Variants in PROS1 observed in about 807,000 individuals in gnomAD.
PROS1 encodes the protein protein S.
In PROS1, 29 loss-of-function variants were observed where a neutral mutation model predicts 75.9. That is an observed-to-expected ratio of 0.38 (90% CI 0.28 to 0.52). The LOEUF (loss-of-function observed/expected upper bound fraction) is 0.52. Ranked by LOEUF, PROS1 falls within the 20% of genes least tolerant of loss-of-function variation. The pLI is 0.83. For missense variants in PROS1, 680 were observed against 810.3 expected, an observed-to-expected ratio of 0.84 and a Z score of 1.95; for synonymous variants, 245 against 280.6, an observed-to-expected ratio of 0.87 and a Z score of 1.27.
intron 1 of PROS1, among the ~76,000 whole-genome samples, chr3:93,967,417 G>A (rs556702680): frequency 6.6e-6 from 1 of 152,254 alleles, no homozygotes; most frequent in South Asian, 2.1e-4. Context: ...ACAAATCAGT[G>A]GAAGGATTAT....
intron 1 of PROS1, among the ~76,000 whole-genome samples, chr3:93,971,461 T>G (rs1709880534): frequency 1.3e-5 from 2 of 151,666 alleles, no homozygotes; most frequent in African/African-American, 4.8e-5. Flanking sequence ...TCTAATTATA[T>G]CTCAGATTTA....
At chr3:93,953,734 A>G (rs1253705483) in intron 1 of PROS1, among the ~76,000 whole-genome samples, 3 of 152,198 alleles carry the variant, frequency 2.0e-5, no homozygotes, top group Admixed American at 2.0e-4. Context: ...CAGGGCAATC[A>G]GGCAGGAGAA....
At position 93,874,238 on chromosome 3, in the gene PROS1, A is replaced by AGAT; in HGVS notation, c.*4_*6dup. 1 of 1,613,212 alleles carries AGAT rather than the reference A, an allele frequency of 6.2e-7. No homozygotes were observed. Among genetic ancestry groups the AGAT allele is most frequent in the Non-Finnish European group, 8.5e-7 (1 of 1,179,312 alleles). ...GGAAAAGGTATTATAAGCAGAGAAA[A>AGAT]GATGCCTTAAGAATTCTTTGTCTTT... On this transcript the variant is annotated 3_prime_UTR_variant, in exon 15 of 15. Coordinates refer to ENST00000394236, the MANE Select transcript of PROS1 (RefSeq NM_000313.4).
At chr3:93,945,273 A>C (rs550029054) in intron 1 of PROS1, among the ~76,000 whole-genome samples, 2 of 152,330 alleles carry the variant, frequency 1.3e-5, no homozygotes, top group South Asian at 2.1e-4. Context: ...TCCAATCAAT[A>C]GAAAAAGAGG....
intron 12 of PROS1, among the ~76,000 whole-genome samples, chr3:93,880,394 A>G (rs546118718): frequency 1.1e-4 from 17 of 152,040 alleles, no homozygotes; most frequent in South Asian, 4.2e-4. Context: ...CCCAGCTACA[A>G]CTCGGGAGGC....
chr3:93,958,449 C>G (rs2107256196), intron 1 of PROS1: 1 of 152,312 alleles, frequency 6.6e-6, no homozygotes, highest in Non-Finnish European at 1.5e-5. Context: ...CTGTCAAAAC[C>G]TCTGCATTCC....
intron 7 of PROS1, among the ~76,000 whole-genome samples, chr3:93,899,547 G>A (rs564424953): frequency 1.5e-4 from 23 of 152,142 alleles, no homozygotes; most frequent in South Asian, 1.0e-3. Context: ...TGATAATTCC[G>A]CAGACATCTA....
At chr3:93,896,967 T>G (rs940842006) in intron 8 of PROS1, among the ~76,000 whole-genome samples, 2 of 152,144 alleles carry the variant, frequency 1.3e-5, no homozygotes, top group African/African-American at 2.4e-5. Flanking sequence ...CTTTGCAAAT[T>G]TTCGTCCTAA....
At chr3:93,966,040 A>G (rs1709785599) in intron 1 of PROS1, among the ~76,000 whole-genome samples, 1 of 152,108 alleles carries the variant, frequency 6.6e-6, no homozygotes, top group African/African-American at 2.4e-5. Context: ...GAGGGGACAA[A>G]ACATCCTAAC....
At chr3:93,939,176 C>A (rs1157779662) in intron 1 of PROS1, among the ~76,000 whole-genome samples, 1 of 152,136 alleles carries the variant, frequency 6.6e-6, no homozygotes, top group African/African-American at 2.4e-5. Context: ...GCCAGAAAAT[C>A]CACTTTCAAT....
Position 93,876,949 on chromosome 3 carries a change from A to C in PROS1, c.1870+17T>G. The C allele has an allele frequency of 6.6e-7, 1 of 1,514,202 alleles. No individual in the cohort carries two copies. The highest frequency in any genetic ancestry group is 9.1e-7 in the Non-Finnish European group (1 of 1,092,936). The allele number at this position is 1,514,202 out of a possible 1,614,324, so 93.8% of individuals were successfully genotyped here. A position where few individuals can be genotyped will look rare whatever the true frequency, so the allele number is the denominator to read the frequency against. On this transcript the variant is annotated intron_variant, in intron 14 of 14. Coordinates refer to ENST00000394236, the MANE Select transcript of PROS1 (RefSeq NM_000313.4). ...TAAAATATACTTTTTAAAACTGAAG[A>C]AAAAGTAAGCAGATACCTGGAAGGC...
rs745470312 is a variant in PROS1 at position 93,884,737 on chromosome 3, T to C, written c.1483A>G (p.Ile495Val). The change falls in exon 12 of 15, where the codon ATA becomes GTA. Residue 495 changes from isoleucine (I) to valine (V), a missense_variant. Ile to Val is a conservative substitution (Grantham distance 29). Transcript: ENST00000394236. Reference sequence around the variant, plus strand: ...ATGGAAAATCACTTACTATAATCTATGTGAAATTGAGCAATTCCAGAACCA... The same window carrying C: ...ATGGAAAATCACTTACTATAATCTACGTGAAATTGAGCAATTCCAGAACCA... ...YPGSGIAQFH[I>V]DYNNVSSAEG... 10 of 1,612,608 alleles carry C rather than the reference T, an allele frequency of 6.2e-6. No homozygotes were observed. The African/African-American group carries it at 8.0e-5, about 13-fold the overall frequency.
intron 2 of PROS1, among the ~76,000 whole-genome samples, chr3:93,926,419 C>A (rs1709017553): frequency 6.6e-6 from 1 of 152,014 alleles, no homozygotes; most frequent in Non-Finnish European, 1.5e-5. Flanking sequence ...ATTGCTTAAG[C>A]CCAGGAGTTT....
intron 1 of PROS1, among the ~76,000 whole-genome samples, chr3:93,956,680 A>C (rs1392152153): frequency 6.6e-6 from 1 of 151,946 alleles, no homozygotes; most frequent in Non-Finnish European, 1.5e-5. Flanking sequence ...TCTTACCCTC[A>C]CTTTGTGATC....
chr3:93,931,436 T>C (rs1329010687), intron 1 of PROS1, among the ~76,000 whole-genome samples: 2 of 152,250 alleles, frequency 1.3e-5, no homozygotes, highest in Non-Finnish European at 2.9e-5. Context: ...GTAATTAACA[T>C]ATGATGTACG....
chr3:93,927,877 G>A (rs1223962484), intron 1 of PROS1, among the ~76,000 whole-genome samples: 2 of 118,668 alleles, frequency 1.7e-5, no homozygotes, highest in Non-Finnish European at 3.7e-5. Context: ...ATATATATGT[G>A]TGTATGTGTA....
At chr3:93,965,439 C>G (rs1709773972) in intron 1 of PROS1, among the ~76,000 whole-genome samples, 1 of 152,222 alleles carries the variant, frequency 6.6e-6, no homozygotes, top group Non-Finnish European at 1.5e-5. Flanking sequence ...CGGGTTTGTC[C>G]TAATCGAGCT....
chr3:93,926,563 T>TG (rs1250303958), intron 2 of PROS1, among the ~76,000 whole-genome samples: 2 of 152,044 alleles, frequency 1.3e-5, no homozygotes, highest in African/African-American at 4.8e-5. Flanking sequence ...ACCCGGGAAG[T>TG]GGGGGCTACA....
chr3:93,896,811 A>C (rs1708508449), intron 8 of PROS1, 120 bp from the exon 9 acceptor site: 6 of 707,430 alleles, frequency 8.5e-6, no homozygotes, highest in South Asian at 8.0e-5. Flanking sequence ...TAATACACTA[A>C]AATAATTAAG....
Sources: gnomAD v4.1 joint callset for allele counts (sites outside exome capture counted in the v4.1 genomes callset) on GRCh38, gnomAD v4.1.1 for gene constraint, MANE v1.5 for transcripts, NCBI Gene and HGNC (gene_info 2026-07-23, HGNC 2026-07-21) for gene names.